PTPRC: variants seen among roughly 807,000 people sequenced by gnomAD.
PTPRC encodes protein tyrosine phosphatase receptor type C, also known as receptor-type tyrosine-protein phosphatase C.
A neutral mutation model predicts 155.9 loss-of-function variants in PTPRC; 44 were observed. That is an observed-to-expected ratio of 0.28 (90% CI 0.22 to 0.36). PTPRC has a LOEUF of 0.36. Ranked by LOEUF, PTPRC falls within the 10% of genes least tolerant of loss-of-function variation. The probability of loss-of-function intolerance (pLI) is 1.00; values close to 1 mark genes in which losing one functional copy is unlikely to be tolerated. For missense variants in PTPRC, 1,401 were observed against 1,564.6 expected, an observed-to-expected ratio of 0.90 and a Z score of 1.76; for synonymous variants, 525 against 533.1, an observed-to-expected ratio of 0.98 and a Z score of 0.21.
intron 2 of PTPRC, among the ~76,000 whole-genome samples, chr1:198,665,121 G>T (rs77222349): frequency 0.052 from 6,064 of 115,514 alleles, 216 homozygotes; most frequent in East Asian, 0.15. Context: ...ACGGAGTCTC[G>T]CTCTGTCGCC....
intron 2 of PTPRC, among the ~76,000 whole-genome samples, chr1:198,677,347 A>G (rs992744861): frequency 1.3e-5 from 2 of 152,112 alleles, no homozygotes; most frequent in Non-Finnish European, 2.9e-5. Context: ...TCAGTGTCAC[A>G]TTTATTTTCC....
chr1:198,718,284 A>G lies in PTPRC; in HGVS notation c.1641A>G (p.Ser547=), dbSNP rs1480732520. The G allele has an allele frequency of 6.2e-7, 1 of 1,612,772 alleles. No homozygotes were observed. The highest frequency in any genetic ancestry group is 2.2e-5 in the East Asian group (1 of 44,876). The change falls in exon 14 of 33, where the codon TCA becomes TCG. Residue 547 remains serine (S), a synonymous_variant. Coordinates refer to ENST00000442510, the MANE Select transcript of PTPRC (RefSeq NM_002838.5). ...TCCGTGTAAAAGATCTTCAATATTC[A>G]ACAGACTACACTTTTAAGGTAAAAG... ...CDFRVKDLQY[S]TDYTFKAYFH... is the part of the protein sequence containing the mutation.
At position 198,702,458 on chromosome 1, in the gene PTPRC, A is replaced by G. The variant is rs945167747; in HGVS notation, c.511A>G (p.Ser171Gly). 8.1e-6 allele frequency: 13 copies of G among 1,614,038 alleles called. No individual in the cohort carries two copies. The highest frequency in any genetic ancestry group is 1.0e-5 in the Non-Finnish European group (12 of 1,180,030). ...DPVSPLTTTL[S>G]LAHHSSAALP... Reference sequence around the variant, plus strand: ...AGTTTCCCCATTGACAACCACCCTCAGCCTTGCACACCACAGCTCTGCTGC... The same window carrying G: ...AGTTTCCCCATTGACAACCACCCTCGGCCTTGCACACCACAGCTCTGCTGC... Residue 171 changes from serine to glycine, a missense_variant, in exon 6 of 33, where the codon AGC (serine) becomes GGC (glycine). Physicochemically the swap from Ser to Gly is moderately conservative, Grantham distance 56. Coordinates refer to ENST00000442510, the MANE Select transcript of PTPRC (RefSeq NM_002838.5).
intron 2 of PTPRC, among the ~76,000 whole-genome samples, chr1:198,686,063 T>A (rs1479606629): frequency 1.3e-5 from 2 of 152,070 alleles, no homozygotes; most frequent in African/African-American, 4.8e-5. Flanking sequence ...AAATCTCTGA[T>A]CAGGGACTTA....
chr1:198,722,396 T>A lies in PTPRC; in HGVS notation c.1660-20T>A. Reference sequence around the variant, plus strand: ...CACATTAGCAAACTAATTATTTTATTTTTTGTTACTGAAATTCAGGCCTAT... The same window carrying A: ...CACATTAGCAAACTAATTATTTTATATTTTGTTACTGAAATTCAGGCCTAT... On this transcript the variant is annotated intron_variant, in intron 14 of 32. Transcript: ENST00000442510. The A allele has an allele frequency of 7.3e-7, 1 of 1,371,046 alleles. No individual in the cohort carries two copies. Among genetic ancestry groups the A allele is most frequent in the Non-Finnish European group, 9.6e-7 (1 of 1,037,488 alleles). The allele number at this position is 1,371,046 out of a possible 1,614,324, so 84.9% of individuals were successfully genotyped here.
intron 2 of PTPRC, among the ~76,000 whole-genome samples, chr1:198,684,223 G>T (rs10082303): frequency 0.087 from 13,076 of 150,722 alleles, 595 homozygotes; most frequent in Non-Finnish European, 0.099. Context: ...GTCATTAATT[G>T]TTTCGTTAAT....
At chr1:198,650,474 G>T (rs1268299572) in intron 2 of PTPRC, among the ~76,000 whole-genome samples, 1 of 151,856 alleles carries the variant, frequency 6.6e-6, no homozygotes, top group Non-Finnish European at 1.5e-5. Context: ...AGAAGTGGCT[G>T]CATGGAAAAG....
At chr1:198,692,923 C>T in intron 3 of PTPRC, 1 of 910,806 alleles carries the variant, frequency 1.1e-6, no homozygotes, top group South Asian at 5.1e-5. Flanking sequence ...AAATTTAAAA[C>T]ACAGAGATGC....
intron 2 of PTPRC, among the ~76,000 whole-genome samples, chr1:198,673,007 C>T (rs1664736362): frequency 6.6e-6 from 1 of 152,154 alleles, no homozygotes; most frequent in South Asian, 2.1e-4. Flanking sequence ...ATATCTAGCA[C>T]CCCTCTACCT....
chr1:198,694,362 C>T, intron 3 of PTPRC: 1 of 1,013,278 alleles, frequency 9.9e-7, no homozygotes, highest in Non-Finnish European at 1.3e-6. Context: ...CCCCAGTCCA[C>T]TGACTCAAAT....
intron 2 of PTPRC, among the ~76,000 whole-genome samples, chr1:198,684,768 T>C (rs530790694): frequency 6.6e-6 from 1 of 152,172 alleles, no homozygotes; most frequent in South Asian, 2.1e-4. Context: ...ATGGGTGCAA[T>C]GTTTTCTCAT....
rs1380628774 is a variant in PTPRC at position 198,741,902 on chromosome 1, C to T, written c.2437C>T (p.His813Tyr). Residue 813 changes from histidine to tyrosine, a missense_variant, in exon 24 of 33, where the codon CAC becomes TAC. His to Tyr is a moderately conservative substitution (Grantham distance 83, BLOSUM62 2). Coordinates refer to ENST00000442510, the MANE Select transcript of PTPRC (RefSeq NM_002838.5). ...KEKATGREVT[H>Y]IQFTSWPDHG... ...AAAAGCAACTGGAAGAGAGGTGACT[C>T]ACATTCAGTTCACCAGCTGGCCAGA... 2.5e-6 allele frequency: 4 copies of T among 1,612,006 alleles called. No homozygotes were observed. Among genetic ancestry groups the T allele is most frequent in the Non-Finnish European group, 2.5e-6 (3 of 1,178,914 alleles).
Position 198,748,193 on chromosome 1 carries a change from A to G in PTPRC, c.2932A>G (p.Ile978Val), listed in dbSNP as rs763882896. 4 of 1,605,834 alleles carry G rather than the reference A, an allele frequency of 2.5e-6. No homozygotes were observed. The highest frequency in any genetic ancestry group is 3.4e-6 in the Non-Finnish European group (4 of 1,176,468). The change falls in exon 27 of 33, where the codon ATC becomes GTC. Residue 978 changes from isoleucine (I) to valine (V), a missense_variant. This residue lies in a region of PTPRC where 400 missense variants were observed against 389.5 expected (regional missense o/e 1.03). Transcript: ENST00000442510. Reference sequence around the variant, plus strand: ...AAGTAAAAACAGGAATTCTAATGTCATCCCATGTATGTAGTTTATTTTTTT... The same window carrying G: ...AAGTAAAAACAGGAATTCTAATGTCGTCCCATGTATGTAGTTTATTTTTTT... Reference protein sequence around the residue: ...NKSKNRNSNVIPYDYNRVPLK... With the variant: ...NKSKNRNSNVVPYDYNRVPLK...
At position 198,750,486 on chromosome 1, in the gene PTPRC, A is replaced by C; in HGVS notation, c.3073-6A>C. ...ACGAAGTCCCACCCTTTTTTTGTCT[A>C]AAAAGAGCTACTGGAAACCTGAAGT... On this transcript the variant is annotated splice_polypyrimidine_tract_variant and splice_region_variant and intron_variant, in intron 28 of 32. Transcript: ENST00000442510. 2 of 1,611,658 alleles carry C rather than the reference A, an allele frequency of 1.2e-6. No individual in the cohort carries two copies. The highest frequency in any genetic ancestry group is 1.7e-6 in the Non-Finnish European group (2 of 1,178,334).
intron 3 of PTPRC, chr1:198,694,634 A>T (rs201365880): frequency 2.0e-6 from 2 of 985,122 alleles, no homozygotes; most frequent in East Asian, 2.3e-4. Context: ...TTTAACCTAA[A>T]AATAACAAAT....
chr1:198,680,319 G>C (rs1665241582), intron 2 of PTPRC, among the ~76,000 whole-genome samples: 3 of 152,084 alleles, frequency 2.0e-5, no homozygotes, highest in African/African-American at 4.8e-5. Flanking sequence ...CGGGTGTAGT[G>C]GCGCATGTTT....
In PTPRC at chr1:198,699,939, G is replaced by C; in HGVS notation, c.439+235G>C. 4 of 608,728 alleles carry C rather than the reference G, an allele frequency of 6.6e-6. No homozygotes were observed. In the Admixed American group the frequency reaches 1.2e-4, roughly 18 times the overall value. The allele number at this position is 608,728 out of a possible 1,614,324, so 37.7% of individuals were successfully genotyped here. ...CAGCAAAAATCTGCTCAGGAGGAAA[G>C]AGTTATTCAGAATAGTCTATTTTTT... On this transcript the variant is annotated intron_variant, in intron 5 of 32. Transcript: ENST00000442510.
At chr1:198,669,951 T>A (rs1270130401) in intron 2 of PTPRC, among the ~76,000 whole-genome samples, 1 of 152,214 alleles carries the variant, frequency 6.6e-6, no homozygotes, top group African/African-American at 2.4e-5. Flanking sequence ...CCAAAGGACC[T>A]TAGTAAAGAA....
intron 2 of PTPRC, among the ~76,000 whole-genome samples, chr1:198,642,964 C>CTT: frequency 7.1e-6 from 1 of 140,574 alleles, no homozygotes; most frequent in African/African-American, 2.7e-5. Context: ...TTCTTTCTTT[C>CTT]TTTCTTTTTT....
Sources: allele counts gnomAD v4.1 joint callset (sites outside exome capture counted in the v4.1 genomes callset), GRCh38; gene constraint gnomAD v4.1.1; regional missense constraint gnomAD v4.1.1; transcripts MANE v1.5; gene names NCBI Gene and HGNC (gene_info 2026-07-23, HGNC 2026-07-21).